METTL2B: variants seen among roughly 807,000 people sequenced by gnomAD.
METTL2B encodes tRNA N(3)-cytidine methyltransferase METTL2B.
METTL2B carries 28 observed loss-of-function variants against 51.0 expected under a neutral mutation model. That is an observed-to-expected ratio of 0.55 (90% CI 0.41 to 0.75). METTL2B has a LOEUF of 0.75. Ranked by LOEUF, METTL2B falls within the 30% of genes least tolerant of loss-of-function variation. The probability of loss-of-function intolerance (pLI) is 0.00; values close to 1 mark genes in which losing one functional copy is unlikely to be tolerated. For synonymous variants in METTL2B, 128 were observed against 166.3 expected (o/e 0.77, Z 1.77); for missense variants, 313 against 460.7 (o/e 0.68, Z 2.93).
At chr7:128,484,232 T>TTTTTTTTGTTTTTTTTTTTTTTG (rs1554428852) in intron 4 of METTL2B, 25 of 83,566 alleles carry the variant, frequency 3.0e-4, no homozygotes, top group African/African-American at 1.2e-3. Flanking sequence ...TTTTTTTTTT[T>TTTTTTTTGTTTTTTTTTTTTTTG]TTTTTTTTTT....
At chr7:128,490,495 A>C (rs1314777048) in intron 5 of METTL2B, among the ~76,000 whole-genome samples, 1 of 152,150 alleles carries the variant, frequency 6.6e-6, no homozygotes, top group Non-Finnish European at 1.5e-5. Flanking sequence ...AGACAAACTC[A>C]AAGCAATAAA....
rs147091233 is a variant in METTL2B, at chr7:128,479,299, G to A, written c.344G>A (p.Trp115Ter). Residue 115 changes from tryptophan to a stop codon, truncating the protein, a stop_gained, in exon 3 of 9, where the codon TGG becomes TAG. Coordinates refer to ENST00000262432, the MANE Select transcript of METTL2B (RefSeq NM_018396.3). LOFTEE classifies it high-confidence loss of function. The part of the protein sequence containing the change: ...PSQNQNHLKD[W>*]FLENKSEVCE... The stretch of plus-strand genomic sequence containing the variant: ...CAAAATCAAAATCATTTGAAGGATT[G>A]GTTCTTGGAGAACAAGAGTGAAGTA... 59 of 1,614,200 alleles carry A rather than the reference G, an allele frequency of 3.7e-5. No homozygotes were observed. The African/African-American group carries it at 7.5e-4, about 20-fold the overall frequency.
In METTL2B at chr7:128,505,976, T is replaced by G. The variant is rs1793115254; in HGVS notation, c.*4060T>G. On this transcript the variant is annotated 3_prime_UTR_variant, in exon 9 of 9. Transcript: ENST00000262432. ...TCCCAAGTAGATGGGACTACAGGCA[T>G]GTGCCACCAAGCCTAATTTTTGTAT... is the stretch of plus-strand genomic sequence containing the variant. 6.6e-6 allele frequency: 1 copy of G among 152,218 alleles called. No individual in the cohort carries two copies. The highest frequency in any genetic ancestry group is 1.5e-5 in the Non-Finnish European group (1 of 68,080). The allele number at this position is 152,218 out of a possible 1,614,324, so 9.4% of individuals were successfully genotyped here. A position where few individuals can be genotyped will look rare whatever the true frequency, so the allele number is the denominator to read the frequency against.
chr7:128,481,444 T>C (rs1198563560), intron 4 of METTL2B, among the ~76,000 whole-genome samples: 1 of 152,254 alleles, frequency 6.6e-6, no homozygotes, highest in South Asian at 2.1e-4. Context: ...AATAATTTCC[T>C]AGAATGGCTC....
chr7:128,491,725 C>G (rs1481247929), intron 5 of METTL2B, among the ~76,000 whole-genome samples: 1 of 146,866 alleles, frequency 6.8e-6, no homozygotes, highest in Non-Finnish European at 1.5e-5. Context: ...TGAGATCGCA[C>G]CACTCCAGCC....
rs769986193 is a variant in METTL2B, at chr7:128,502,641, G to A, written c.*725G>A. On this transcript the variant is annotated 3_prime_UTR_variant, in exon 9 of 9. Transcript: ENST00000262432. ...CCGCCAGGCACGGTGGCTCACACCTGTAATCCCAGCACTTTGGGAGGCCGA... is the reference window on the plus strand; with the variant it reads ...CCGCCAGGCACGGTGGCTCACACCTATAATCCCAGCACTTTGGGAGGCCGA... The A allele has an allele frequency of 2.2e-6, 1 of 452,172 alleles. No homozygotes were observed. Among genetic ancestry groups the A allele is most frequent in the South Asian group, 1.6e-5 (1 of 64,202 alleles). 28.0% of individuals were successfully genotyped at this position (452,172 alleles called of 1,614,324 possible).
chr7:128,498,423 C>G (rs1331110960), intron 7 of METTL2B, among the ~76,000 whole-genome samples: 3 of 151,736 alleles, frequency 2.0e-5, no homozygotes, highest in Admixed American at 2.0e-4. Context: ...AGCAAACCTC[C>G]ATGGCACGTG....
intron 5 of METTL2B, among the ~76,000 whole-genome samples, chr7:128,491,669 G>A (rs562322655): frequency 4.1e-4 from 62 of 151,470 alleles, no homozygotes; most frequent in African/African-American, 1.3e-3. Flanking sequence ...GGGAGGCTGA[G>A]GCAGGAGAAT....
intron 7 of METTL2B, among the ~76,000 whole-genome samples, chr7:128,498,721 G>A (rs1187585758): frequency 4.6e-5 from 7 of 152,222 alleles, no homozygotes; most frequent in East Asian, 3.9e-4. Context: ...AAAGACAGCC[G>A]GGCGCAGTGG....
rs772037654 is a variant in METTL2B, at chr7:128,488,060, G to A, written c.609-41G>A. On this transcript the variant is annotated intron_variant, in intron 4 of 8. Coordinates refer to ENST00000262432, the MANE Select transcript of METTL2B (RefSeq NM_018396.3). ...ACAAGAATGAGAGTAGACATAGCTC[G>A]ATTTGTAGTCTCATTGTTTTGTCTT... The A allele has an allele frequency of 8.1e-6, 9 of 1,110,156 alleles. 1 individual carries two copies. Among genetic ancestry groups the A allele is most frequent in the African/African-American group, 3.2e-5 (2 of 62,056 alleles). The allele number at this position is 1,110,156 out of a possible 1,614,324, so 68.8% of individuals were successfully genotyped here.
intron 6 of METTL2B, among the ~76,000 whole-genome samples, chr7:128,494,636 AT>A (rs983320281): frequency 2.7e-5 from 4 of 150,446 alleles, no homozygotes; most frequent in Non-Finnish European, 4.4e-5. Flanking sequence ...ATTTTATTTT[AT>A]TTTTTTTTGA....
At position 128,501,859 on chromosome 7, in the gene METTL2B, G is replaced by A. The variant is rs1429353047; in HGVS notation, c.1080G>A (p.Met360Ile). The change falls in exon 9 of 9, where the codon ATG (methionine) becomes ATA (isoleucine). Residue 360 changes from methionine to isoleucine, a missense_variant. Physicochemically the swap from Met to Ile is conservative, Grantham distance 10. Around this residue, in one of 4 missense-constraint regions of METTL2B, gnomAD observed 138 missense variants for 187.6 expected, o/e 0.74. Transcript: ENST00000262432. ...TGAACCGAGGGAAGCAACTGACAAT[G>A]TACCGGGTTTGGATTCAGTGCAAAT... Reference protein sequence around the residue: ...LQVNRGKQLTMYRVWIQCKYC... With the variant: ...LQVNRGKQLTIYRVWIQCKYC... 6.2e-7 allele frequency: 1 copy of A among 1,614,104 alleles called. No individual in the cohort carries two copies. Among genetic ancestry groups the A allele is most frequent in the Non-Finnish European group, 8.5e-7 (1 of 1,180,052 alleles).
intron 4 of METTL2B, among the ~76,000 whole-genome samples, chr7:128,482,132 T>C (rs1799879501): frequency 6.6e-6 from 1 of 152,158 alleles, no homozygotes; most frequent in Admixed American, 6.6e-5. Flanking sequence ...TTAACATAAA[T>C]TCAGTGTGGT....
At chr7:128,481,687 G>A (rs774792812) in intron 4 of METTL2B, among the ~76,000 whole-genome samples, 10 of 152,148 alleles carry the variant, frequency 6.6e-5, no homozygotes, top group Admixed American at 1.3e-4. Context: ...CTGTCATCCC[G>A]ACTAGAGCAC....
chr7:128,502,483 G>A lies in METTL2B; in HGVS notation c.*567G>A. 2.4e-6 allele frequency: 1 copy of A among 409,184 alleles called. No homozygotes were observed. Among genetic ancestry groups the A allele is most frequent in the South Asian group, 1.8e-5 (1 of 55,670 alleles). 25.3% of individuals were successfully genotyped at this position (409,184 alleles called of 1,614,324 possible). On this transcript the variant is annotated 3_prime_UTR_variant, in exon 9 of 9. Coordinates refer to ENST00000262432, the MANE Select transcript of METTL2B (RefSeq NM_018396.3). ...CAGGGGTTAGTGAAGGGCTTATTAAGTTGTAGGGGAAGCAAGCTGGGAAGA... is the reference window on the plus strand; with the variant it reads ...CAGGGGTTAGTGAAGGGCTTATTAAATTGTAGGGGAAGCAAGCTGGGAAGA...
chr7:128,503,143 GCCTGTAGTCC>G lies in METTL2B; in HGVS notation c.*1239_*1248del, dbSNP rs1438700333. 13 of 152,544 alleles carry G rather than the reference GCCTGTAGTCC, an allele frequency of 8.5e-5. No homozygotes were observed. The highest frequency in any genetic ancestry group is 1.2e-4 in the African/African-American group (5 of 40,924). The allele number at this position is 152,544 out of a possible 1,614,324, so 9.4% of individuals were successfully genotyped here. On this transcript the variant is annotated 3_prime_UTR_variant, in exon 9 of 9. Transcript: ENST00000262432. Reference sequence around the variant, plus strand: ...AAAATAGCTGGGCATGGTGGCATGCGCCTGTAGTCCCCTGTAGTCCCAGCTACTCGGGAGG... The same window carrying G: ...AAAATAGCTGGGCATGGTGGCATGCGCCTGTAGTCCCAGCTACTCGGGAGG...
chr7:128,498,734 C>A (rs1792971878), intron 7 of METTL2B, among the ~76,000 whole-genome samples: 2 of 152,206 alleles, frequency 1.3e-5, no homozygotes, highest in Admixed American at 6.6e-5. Flanking sequence ...CGCAGTGGCT[C>A]ATGCCTGTAA....
intron 6 of METTL2B, among the ~76,000 whole-genome samples, chr7:128,496,436 C>T (rs1164428431): frequency 6.6e-6 from 1 of 152,058 alleles, no homozygotes; most frequent in Non-Finnish European, 1.5e-5. Flanking sequence ...CCCAGCTACT[C>T]AGAAGGCTGA....
At chr7:128,489,524 C>T (rs1792785350) in intron 5 of METTL2B, among the ~76,000 whole-genome samples, 1 of 151,732 alleles carries the variant, frequency 6.6e-6, no homozygotes. Context: ...GTAATCTTTG[C>T]TAGTGGAGGG....
Sources: allele counts gnomAD v4.1 joint callset (sites outside exome capture counted in the v4.1 genomes callset), GRCh38; gene constraint gnomAD v4.1.1; regional missense constraint gnomAD v4.1.1; transcripts MANE v1.5; gene names NCBI Gene and HGNC (gene_info 2026-07-23, HGNC 2026-07-21).